Variants in EPM2A observed in about 807,000 individuals in gnomAD.
EPM2A encodes laforin.
EPM2A carries 21 observed loss-of-function variants against 26.5 expected under a neutral mutation model. The observed-to-expected ratio is 0.79, with a 90% CI of 0.56 to 1.14. The LOEUF (loss-of-function observed/expected upper bound fraction) is 1.14, where lower values mean the gene tolerates loss of function less well. EPM2A is among the 50% of genes most tolerant of loss of function. The probability of loss-of-function intolerance (pLI) is 0.00; values close to 1 mark genes in which losing one functional copy is unlikely to be tolerated. For missense variants in EPM2A, 458 were observed against 440.8 expected (o/e 1.04, Z -0.35); for synonymous variants, 217 against 177.6 (o/e 1.22, Z -1.76).
chr6:145,602,317 T>C (rs955029672), intron 2 of EPM2A, among the ~76,000 whole-genome samples: 1 of 152,240 alleles, frequency 6.6e-6, no homozygotes, highest in Non-Finnish European at 1.5e-5. Flanking sequence ...TTGATAATTA[T>C]ACATGTCACA....
chr6:145,646,217 C>T (rs1013219942), intron 2 of EPM2A, among the ~76,000 whole-genome samples: 58 of 152,032 alleles, frequency 3.8e-4, no homozygotes, highest in Admixed American at 2.4e-3. Flanking sequence ...AGTGCAGTGG[C>T]GCGATCTTGG....
intron 2 of EPM2A, among the ~76,000 whole-genome samples, chr6:145,563,179 C>T (rs1344927123): frequency 6.6e-6 from 1 of 151,194 alleles, no homozygotes; most frequent in South Asian, 2.1e-4. Flanking sequence ...CTGTATGGTT[C>T]GACATTTCCC....
chr6:145,577,481 C>T (rs1781049671), intron 2 of EPM2A, among the ~76,000 whole-genome samples: 2 of 151,624 alleles, frequency 1.3e-5, no homozygotes. Context: ...TGGGCCAACT[C>T]AACAAAAGGA....
At chr6:145,449,193 A>AT (rs1418809533) in intron 4 of EPM2A, among the ~76,000 whole-genome samples, 2 of 152,162 alleles carry the variant, frequency 1.3e-5, no homozygotes, top group African/African-American at 4.8e-5. Flanking sequence ...ACCCATTAAC[A>AT]TTTTTTTAAA....
At chr6:145,652,772 C>T (rs1318592562) in intron 2 of EPM2A, among the ~76,000 whole-genome samples, 1 of 151,904 alleles carries the variant, frequency 6.6e-6, no homozygotes, top group Non-Finnish European at 1.5e-5. Flanking sequence ...GCAATTTCTA[C>T]AGTGTCTTGC....
At chr6:145,715,043 G>A (rs533399257) in intron 1 of EPM2A, among the ~76,000 whole-genome samples, 3 of 152,308 alleles carry the variant, frequency 2.0e-5, no homozygotes, top group African/African-American at 7.2e-5. Flanking sequence ...CCACTGCTCA[G>A]TTCTAAAATG....
chr6:145,632,358 C>T (rs962740654), intron 3 of EPM2A: 5 of 152,314 alleles, frequency 3.3e-5, no homozygotes, highest in Admixed American at 1.3e-4. Context: ...CAAGGGTAGA[C>T]ATTTGTTATA....
chr6:145,537,266 T>C, intron 2 of EPM2A, among the ~76,000 whole-genome samples: 1 of 152,130 alleles, frequency 6.6e-6, no homozygotes, highest in East Asian at 1.9e-4. Context: ...GGGTCAAAGT[T>C]TCCTTTTTAT....
At chr6:145,532,104 T>C (rs1404168209) in intron 2 of EPM2A, among the ~76,000 whole-genome samples, 4 of 152,228 alleles carry the variant, frequency 2.6e-5, no homozygotes, top group African/African-American at 9.6e-5. Flanking sequence ...GATTGTCTTA[T>C]GTTATTTGCT....
At chr6:145,526,380 G>C (rs950360097) in intron 2 of EPM2A, among the ~76,000 whole-genome samples, 1 of 151,868 alleles carries the variant, frequency 6.6e-6, no homozygotes, top group African/African-American at 2.4e-5. Flanking sequence ...TTCTTTATAC[G>C]TCTAGTAGAA....
intron 4 of EPM2A, among the ~76,000 whole-genome samples, chr6:145,430,633 C>A (rs947461687): frequency 1.3e-5 from 2 of 151,476 alleles, no homozygotes; most frequent in Admixed American, 6.6e-5. Flanking sequence ...TAATAGCATA[C>A]GAGGCAAAAA....
At chr6:145,405,286 T>C (rs1244777878) in intron 4 of EPM2A, among the ~76,000 whole-genome samples, 2 of 152,132 alleles carry the variant, frequency 1.3e-5, no homozygotes, top group Non-Finnish European at 2.9e-5. Flanking sequence ...CAGTGGCTCA[T>C]TGTGAATTCT....
intron 4 of EPM2A, among the ~76,000 whole-genome samples, chr6:145,398,607 A>C (rs999636964): frequency 3.0e-4 from 45 of 152,140 alleles, no homozygotes; most frequent in African/African-American, 1.1e-3. Flanking sequence ...AAGTGCTGGG[A>C]CTACAGGCGT....
chr6:145,588,815 C>A (rs1321596119), intron 2 of EPM2A, among the ~76,000 whole-genome samples: 3 of 152,132 alleles, frequency 2.0e-5, no homozygotes, highest in African/African-American at 7.2e-5. Context: ...GATTCAAGAA[C>A]AATATGTTGT....
intron 1 of EPM2A, among the ~76,000 whole-genome samples, chr6:145,688,722 T>C (rs1272766841): frequency 6.6e-6 from 1 of 152,226 alleles, no homozygotes; most frequent in African/African-American, 2.4e-5. Flanking sequence ...CTGAAAGTTT[T>C]TCAATGTTTA....
intron 2 of EPM2A, chr6:145,641,128 A>G (rs1777053405): frequency 6.6e-6 from 1 of 152,182 alleles, no homozygotes; most frequent in Non-Finnish European, 1.5e-5. Context: ...TATTTTCCAT[A>G]TTATGAAATG....
intron 2 of EPM2A, among the ~76,000 whole-genome samples, chr6:145,546,956 C>T (rs1780590173): frequency 6.6e-6 from 1 of 151,974 alleles, no homozygotes. Context: ...TCTTGTTGAG[C>T]CTTTCTTACT....
chr6:145,705,779 A>G, intron 1 of EPM2A: 1 of 436,154 alleles, frequency 2.3e-6, no homozygotes, highest in East Asian at 7.1e-5. Context: ...TACTGGCCAA[A>G]GCAAGCCACA....
At chr6:145,682,473 G>A (rs1016906367) in intron 2 of EPM2A, 12 of 152,078 alleles carry the variant, frequency 7.9e-5, no homozygotes, top group African/African-American at 2.4e-4. Flanking sequence ...CAAGTTCTAC[G>A]TCCTCATAAA....
Sources: gnomAD v4.1 joint callset for allele counts (sites outside exome capture counted in the v4.1 genomes callset) on GRCh38, gnomAD v4.1.1 for gene constraint, MANE v1.5 for transcripts, NCBI Gene and HGNC (gene_info 2026-07-23, HGNC 2026-07-21) for gene names.